The following TNFSF4 variants were observed in gnomAD, a reference collection of about 807,000 sequenced individuals.
The protein encoded by TNFSF4 is tumor necrosis factor ligand superfamily member 4.
Under a neutral mutation model 7.3 loss-of-function variants are expected in TNFSF4, and 4 were observed. That is an observed-to-expected ratio of 0.55 (90% CI 0.27 to 1.25). TNFSF4 has a LOEUF of 1.25. Among genes scored for constraint, TNFSF4 ranks in the 50% most tolerant of loss-of-function variants. The pLI, the probability that TNFSF4 is intolerant of heterozygous loss-of-function variation, is 0.12. For synonymous variants in TNFSF4, 76 were observed against 83.7 expected (o/e 0.91, Z 0.50); for missense variants, 181 against 208.8 (o/e 0.87, Z 0.82).
At chr1:173,425,028 C>T in the TNFSF4 span, among the ~76,000 whole-genome samples, 1 of 152,170 alleles carries the variant, frequency 6.6e-6, no homozygotes, top group South Asian at 2.1e-4. Context: ...TGCAATGACT[C>T]CTAGCCTTTC....
At chr1:173,255,049 A>G in the TNFSF4 span, among the ~76,000 whole-genome samples, 1 of 152,080 alleles carries the variant, frequency 6.6e-6, no homozygotes, top group Non-Finnish European at 1.5e-5. Context: ...GTTGCTGGGG[A>G]AAGGGGGTAA....
the TNFSF4 span, among the ~76,000 whole-genome samples, chr1:173,218,783 T>C: frequency 6.6e-6 from 1 of 152,210 alleles, no homozygotes; most frequent in Non-Finnish European, 1.5e-5. Context: ...TTTCTTTTAT[T>C]ACTTGTATAG....
At chr1:173,210,052 T>C (rs1264903824), upstream of TNFSF4, among the ~76,000 whole-genome samples, 5 of 151,336 alleles carry the variant, frequency 3.3e-5, 1 homozygote, top group Admixed American at 1.3e-4. Flanking sequence ...TTTTCTTTGG[T>C]TTGAGGGTTT....
At chr1:173,395,377 A>ATAT in the TNFSF4 span, among the ~76,000 whole-genome samples, 29 of 63,236 alleles carry the variant, frequency 4.6e-4, no homozygotes, top group East Asian at 0.028. Context: ...CTGTGTATAT[A>ATAT]ATATATATAT....
At chr1:173,347,013 A>T in the TNFSF4 span, among the ~76,000 whole-genome samples, 3 of 152,344 alleles carry the variant, frequency 2.0e-5, no homozygotes, top group South Asian at 6.2e-4. Context: ...AATCCACCTG[A>T]TAATTGGTGT....
chr1:173,303,482 T>C, the TNFSF4 span, among the ~76,000 whole-genome samples: 1 of 151,906 alleles, frequency 6.6e-6, no homozygotes, highest in South Asian at 2.1e-4. Flanking sequence ...GAGGTTTCCT[T>C]GAAATGCATG....
the TNFSF4 span, among the ~76,000 whole-genome samples, chr1:173,443,685 T>C: frequency 6.6e-6 from 1 of 152,162 alleles, no homozygotes; most frequent in East Asian, 1.9e-4. Flanking sequence ...TTTTGGAGTC[T>C]TCATGGGTTA....
At chr1:173,306,067 T>G in the TNFSF4 span, among the ~76,000 whole-genome samples, 94 of 152,058 alleles carry the variant, frequency 6.2e-4, no homozygotes, top group Non-Finnish European at 9.9e-4. Flanking sequence ...TTTTTCCATT[T>G]TAACATCTCA....
At chr1:173,236,498 A>G in the TNFSF4 span, among the ~76,000 whole-genome samples, 1 of 152,050 alleles carries the variant, frequency 6.6e-6, no homozygotes, top group Non-Finnish European at 1.5e-5. Context: ...AGATGTTAAG[A>G]AATGTTTTGC....
the TNFSF4 span, among the ~76,000 whole-genome samples, chr1:173,372,860 G>A: frequency 0.79 from 120,689 of 152,168 alleles, 48,152 homozygotes; most frequent in East Asian, 0.91. Context: ...ATGCCACCCA[G>A]GAGGATCTCT....
At chr1:173,289,949 TAA>T in the TNFSF4 span, among the ~76,000 whole-genome samples, 107 of 148,904 alleles carry the variant, frequency 7.2e-4, no homozygotes, top group East Asian at 1.2e-3. Flanking sequence ...TATTTGAGGC[TAA>T]AAAAAAAAAA....
the TNFSF4 span, among the ~76,000 whole-genome samples, chr1:173,244,641 C>CAAAAAAAAAAAAAAAAAAAAAAAAAA: frequency 1.6e-5 from 1 of 62,432 alleles, no homozygotes; most frequent in Non-Finnish European, 3.0e-5. Context: ...GACTCTGTCT[C>CAAAAAAAAAAAAAAAAAAAAAAAAAA]AAAAAAAAAC....
chr1:173,195,331 G>T (rs1649654203), intron 1 of TNFSF4, among the ~76,000 whole-genome samples: 1 of 152,342 alleles, frequency 6.6e-6, no homozygotes, highest in East Asian at 1.9e-4. Flanking sequence ...TTGCAGGGTT[G>T]CCTATGTAGT....
At chr1:173,209,928 T>A (rs907450999), upstream of TNFSF4, among the ~76,000 whole-genome samples, 1 of 152,058 alleles carries the variant, frequency 6.6e-6, no homozygotes, top group Non-Finnish European at 1.5e-5. Flanking sequence ...ACTATTAACC[T>A]CCTAAATGAA....
the TNFSF4 span, among the ~76,000 whole-genome samples, chr1:173,377,675 T>G: frequency 5.9e-5 from 9 of 152,164 alleles, no homozygotes; most frequent in African/African-American, 2.2e-4. Context: ...GAATGATTTC[T>G]CTCCAGGACT....
the TNFSF4 span, among the ~76,000 whole-genome samples, chr1:173,237,140 G>A: frequency 2.0e-5 from 3 of 152,186 alleles, no homozygotes; most frequent in South Asian, 6.2e-4. Context: ...TTTCTCCTTT[G>A]CTTTCCACCA....
chr1:173,251,791 T>G, the TNFSF4 span, among the ~76,000 whole-genome samples: 1 of 152,178 alleles, frequency 6.6e-6, no homozygotes, highest in Non-Finnish European at 1.5e-5. Flanking sequence ...ATTGTGATCA[T>G]TTTTGTGGTT....
chr1:173,272,156 T>C, the TNFSF4 span, among the ~76,000 whole-genome samples: 1 of 151,954 alleles, frequency 6.6e-6, no homozygotes, highest in Non-Finnish European at 1.5e-5. Context: ...ATGAGAACAC[T>C]TGGACACAGG....
chr1:173,188,394 G>A, intron 2 of TNFSF4, 127 bp downstream of exon 2: 1 of 730,664 alleles, frequency 1.4e-6, no homozygotes, highest in African/African-American at 1.8e-5. Flanking sequence ...AACAATTCTG[G>A]GATTTAATTG....
Sources: gnomAD v4.1 joint callset for allele counts (sites outside exome capture counted in the v4.1 genomes callset) on GRCh38, gnomAD v4.1.1 for gene constraint, MANE v1.5 for transcripts, NCBI Gene and HGNC (gene_info 2026-07-23, HGNC 2026-07-21) for gene names.